The following NEGR1 variants were observed in gnomAD, a reference collection of about 807,000 sequenced individuals.
The protein encoded by NEGR1 is neuronal growth regulator 1, also known as IgLON family member 4.
NEGR1 carries 10 observed loss-of-function variants against 40.9 expected under a neutral mutation model. That is an observed-to-expected ratio of 0.24 (90% CI 0.15 to 0.42). The LOEUF is 0.42. NEGR1 is among the 10% of genes least tolerant of loss of function. The pLI, the probability that NEGR1 is intolerant of heterozygous loss-of-function variation, is 1.00. For synonymous variants in NEGR1, 185 were observed against 166.8 expected (o/e 1.11, Z -0.84); for missense variants, 352 against 438.9 (o/e 0.80, Z 1.77).
At chr1:72,153,456 T>G (rs1314740563) in intron 1 of NEGR1, among the ~76,000 whole-genome samples, 1 of 151,850 alleles carries the variant, frequency 6.6e-6, no homozygotes, top group Non-Finnish European at 1.5e-5. Flanking sequence ...AAACTAAAAT[T>G]TGGAGAAATA....
At chr1:72,220,360 A>G (rs1006665668) in intron 1 of NEGR1, among the ~76,000 whole-genome samples, 1 of 151,924 alleles carries the variant, frequency 6.6e-6, no homozygotes, top group African/African-American at 2.4e-5. Context: ...AAGAATCAGA[A>G]TCTCAGTAGT....
chr1:72,005,296 G>C (rs148071093), intron 1 of NEGR1, among the ~76,000 whole-genome samples: 2 of 151,958 alleles, frequency 1.3e-5, no homozygotes, highest in African/African-American at 4.8e-5. Context: ...CTACCATCAA[G>C]CCCAAATAAA....
intron 1 of NEGR1, among the ~76,000 whole-genome samples, chr1:72,111,185 C>T (rs1649358305): frequency 6.6e-6 from 1 of 151,208 alleles, no homozygotes; most frequent in Admixed American, 6.6e-5. Context: ...ACATGTGTTC[C>T]ATGATTTGGG....
In NEGR1 at chr1:71,455,717, C is replaced by T. The variant is rs141178407; in HGVS notation, c.941-48147G>A. Among the ~76,000 whole-genome samples, 695 of 152,198 alleles carry T rather than the reference C, an allele frequency of 4.6e-3. 8 individuals carry two copies. Among genetic ancestry groups the T allele is most frequent in the African/African-American group, 0.016 (670 of 41,522 alleles). Reference sequence around the variant, plus strand: ...TCCAGCCTGGCCATCGAGCAAGACTCTGTCTCAAAAAAAAATCTTTTGAGT... The same window carrying T: ...TCCAGCCTGGCCATCGAGCAAGACTTTGTCTCAAAAAAAAATCTTTTGAGT... On this transcript the variant is annotated intron_variant, in intron 6 of 6. Coordinates refer to ENST00000357731, the MANE Select transcript of NEGR1 (RefSeq NM_173808.3).
intron 1 of NEGR1, among the ~76,000 whole-genome samples, chr1:72,077,682 G>T (rs144715819): frequency 1.3e-5 from 2 of 151,678 alleles, no homozygotes; most frequent in African/African-American, 4.8e-5. Context: ...GTGCAGTGGC[G>T]CATGCCTGTA....
chr1:71,876,170 T>C (rs376098628), intron 2 of NEGR1, among the ~76,000 whole-genome samples: 1 of 152,142 alleles, frequency 6.6e-6, no homozygotes, highest in Non-Finnish European at 1.5e-5. Context: ...AGTTCTTGTA[T>C]ATATTATAGA....
At chr1:71,902,550 T>C (rs1053676510) in intron 2 of NEGR1, among the ~76,000 whole-genome samples, 1 of 152,216 alleles carries the variant, frequency 6.6e-6, no homozygotes, top group African/African-American at 2.4e-5. Context: ...ATATTGTCAA[T>C]TTCTGTAACT....
chr1:71,417,593 C>G (rs890768128), intron 6 of NEGR1, among the ~76,000 whole-genome samples: 1 of 152,072 alleles, frequency 6.6e-6, no homozygotes, highest in Non-Finnish European at 1.5e-5. Context: ...TCTGTGAGTT[C>G]TATTTGAATG....
At chr1:71,744,284 C>CACATATAT (rs371234654) in intron 3 of NEGR1, among the ~76,000 whole-genome samples, 1 of 137,182 alleles carries the variant, frequency 7.3e-6, no homozygotes, top group East Asian at 2.1e-4. Context: ...TGACAAATAA[C>CACATATAT]ATATATATAT....
intron 1 of NEGR1, among the ~76,000 whole-genome samples, chr1:72,127,492 G>GAAAAAAA (rs1650073966): frequency 9.6e-6 from 1 of 104,498 alleles, no homozygotes; most frequent in Admixed American, 9.0e-5. Context: ...AAAAAAAAAG[G>GAAAAAAA]GAGAATTGCA....
At chr1:72,064,260 C>T (rs565932570) in intron 1 of NEGR1, among the ~76,000 whole-genome samples, 23 of 151,938 alleles carry the variant, frequency 1.5e-4, no homozygotes, top group South Asian at 4.2e-4. Flanking sequence ...ATTTTTACTT[C>T]GTCTTTTTCT....
intron 1 of NEGR1, among the ~76,000 whole-genome samples, chr1:71,996,693 A>T (rs889727159): frequency 6.6e-6 from 1 of 152,070 alleles, no homozygotes; most frequent in Non-Finnish European, 1.5e-5. Flanking sequence ...GAAATCTGTA[A>T]TCTTTCATGC....
intron 6 of NEGR1, among the ~76,000 whole-genome samples, chr1:71,528,307 T>G (rs571506427): frequency 6.6e-6 from 1 of 151,468 alleles, no homozygotes; most frequent in East Asian, 1.9e-4. Context: ...TGATTTTTCT[T>G]TAGTATGAAA....
chr1:71,652,297 C>G (rs1021369237), intron 4 of NEGR1, among the ~76,000 whole-genome samples: 5 of 152,144 alleles, frequency 3.3e-5, no homozygotes, highest in Non-Finnish European at 5.9e-5. Flanking sequence ...ATCAATTACT[C>G]AGTCTTTGGT....
intron 1 of NEGR1, among the ~76,000 whole-genome samples, chr1:71,979,195 G>A (rs1219615872): frequency 2.0e-5 from 3 of 152,014 alleles, no homozygotes; most frequent in Non-Finnish European, 4.4e-5. Flanking sequence ...AACAGACCCT[G>A]GGGCCTACTT....
At chr1:71,787,159 A>G (rs1297429623) in intron 2 of NEGR1, among the ~76,000 whole-genome samples, 2 of 152,224 alleles carry the variant, frequency 1.3e-5, no homozygotes, top group Non-Finnish European at 2.9e-5. Context: ...AAATAATTGT[A>G]GTTGTTAAAA....
intron 3 of NEGR1, among the ~76,000 whole-genome samples, chr1:71,752,339 T>A (rs1456734823): frequency 6.6e-6 from 1 of 152,186 alleles, no homozygotes; most frequent in Non-Finnish European, 1.5e-5. Context: ...CAAATGGGTG[T>A]GATTATGTTC....
At chr1:71,731,221 C>T (rs765068866) in intron 3 of NEGR1, among the ~76,000 whole-genome samples, 1 of 152,008 alleles carries the variant, frequency 6.6e-6, no homozygotes, top group Non-Finnish European at 1.5e-5. Flanking sequence ...TAGAGCTTCT[C>T]CTCTCATTTT....
At chr1:71,525,242 A>T (rs1307970757) in intron 6 of NEGR1, among the ~76,000 whole-genome samples, 1 of 151,512 alleles carries the variant, frequency 6.6e-6, no homozygotes, top group Non-Finnish European at 1.5e-5. Flanking sequence ...GTTAACTTCT[A>T]TTTTCTTTCT....
Sources: gnomAD v4.1 joint callset for allele counts (sites outside exome capture counted in the v4.1 genomes callset) on GRCh38, gnomAD v4.1.1 for gene constraint, MANE v1.5 for transcripts, NCBI Gene and HGNC (gene_info 2026-07-23, HGNC 2026-07-21) for gene names.